The following LRRC4C variants were observed in gnomAD, a reference collection of about 807,000 sequenced individuals.
LRRC4C encodes the protein leucine rich repeat containing 4C.
LRRC4C carries 5 observed loss-of-function variants against 33.6 expected under a neutral mutation model. That is an observed-to-expected ratio of 0.15 (90% CI 0.08 to 0.31). The LOEUF is 0.31. Among genes scored for constraint, LRRC4C ranks in the 10% least tolerant of loss-of-function variants. LRRC4C has a pLI of 1.00. For synonymous variants in LRRC4C, 329 were observed against 302.0 expected (o/e 1.09, Z -0.93); for missense variants, 560 against 796.7 (o/e 0.70, Z 3.58).
At chr11:40,244,286 C>T (rs1866157889) in intron 4 of LRRC4C, among the ~76,000 whole-genome samples, 1 of 152,096 alleles carries the variant, frequency 6.6e-6, no homozygotes, top group African/African-American at 2.4e-5. Context: ...AGAACCCCCA[C>T]TTCAGCCCCC....
chr11:40,784,284 C>T (rs1950325286), intron 2 of LRRC4C, among the ~76,000 whole-genome samples: 1 of 152,134 alleles, frequency 6.6e-6, no homozygotes, highest in African/African-American at 2.4e-5. Context: ...CCCAGGTTTA[C>T]CCTACAGAAG....
chr11:40,274,907 T>G (rs1308168768), intron 4 of LRRC4C, among the ~76,000 whole-genome samples: 2 of 152,138 alleles, frequency 1.3e-5, no homozygotes, highest in East Asian at 3.9e-4. Context: ...GCACCCATAT[T>G]TTCTATTTCA....
chr11:41,336,442 GAA>G (rs34109085), intron 1 of LRRC4C, among the ~76,000 whole-genome samples: 61,786 of 148,640 alleles, frequency 0.42, 13,415 homozygotes, highest in Non-Finnish European at 0.49. Flanking sequence ...AAAAGGTGGG[GAA>G]AAAAAAAAAT....
chr11:40,217,661 T>C (rs1366212409), intron 5 of LRRC4C, among the ~76,000 whole-genome samples: 1 of 152,176 alleles, frequency 6.6e-6, no homozygotes, highest in African/African-American at 2.4e-5. Flanking sequence ...CATTGTATTA[T>C]TCAGTCAGTA....
At chr11:41,256,560 A>G (rs184137756) in intron 1 of LRRC4C, among the ~76,000 whole-genome samples, 1 of 152,164 alleles carries the variant, frequency 6.6e-6, no homozygotes, top group African/African-American at 2.4e-5. Flanking sequence ...TTAATTTAAA[A>G]AAATTGATTC....
intron 4 of LRRC4C, among the ~76,000 whole-genome samples, chr11:40,273,478 C>T (rs1942862912): frequency 6.6e-6 from 1 of 152,120 alleles, no homozygotes; most frequent in Admixed American, 6.6e-5. Flanking sequence ...GAAATTCAGA[C>T]AACATATATT....
At chr11:41,024,621 C>A (rs1257521986) in intron 1 of LRRC4C, among the ~76,000 whole-genome samples, 3 of 151,604 alleles carry the variant, frequency 2.0e-5, no homozygotes, top group Non-Finnish European at 3.0e-5. Flanking sequence ...CTTATTTAAG[C>A]CCTTGGCTAC....
At chr11:41,159,674 G>A (rs1209720830) in intron 1 of LRRC4C, among the ~76,000 whole-genome samples, 1 of 152,030 alleles carries the variant, frequency 6.6e-6, no homozygotes, top group Non-Finnish European at 1.5e-5. Context: ...CTCATGTGAG[G>A]AATATTCAAG....
chr11:41,052,456 T>C (rs914962377), intron 1 of LRRC4C, among the ~76,000 whole-genome samples: 5 of 151,804 alleles, frequency 3.3e-5, no homozygotes, highest in Non-Finnish European at 5.9e-5. Flanking sequence ...TCTGCTCATT[T>C]CTTCCTGGCA....
chr11:40,578,154 T>TCG (rs1958297106), intron 3 of LRRC4C, among the ~76,000 whole-genome samples: 1 of 92,600 alleles, frequency 1.1e-5, no homozygotes, highest in Non-Finnish European at 2.4e-5. Context: ...TTTTTTTTTT[T>TCG]TTTTTTTTTT....
chr11:40,834,464 C>A (rs1952566130), intron 2 of LRRC4C, among the ~76,000 whole-genome samples: 1 of 147,258 alleles, frequency 6.8e-6, no homozygotes, highest in Non-Finnish European at 1.5e-5. Context: ...GAGTGAGATT[C>A]CATCTCAAAA....
rs181229722 is a variant in LRRC4C, at chr11:41,114,724, G to A, written c.-495-181001C>T. On this transcript the variant is annotated intron_variant, in intron 1 of 6. Coordinates refer to ENST00000528697, the MANE Select transcript of LRRC4C (RefSeq NM_001258419.2). ...GACAAGGATATAATACAGTACTATAGCACATGACTAAGGAGTATTGAACAA... is the reference window on the plus strand; with the variant it reads ...GACAAGGATATAATACAGTACTATAACACATGACTAAGGAGTATTGAACAA... Among the ~76,000 whole-genome samples, 6 of 152,124 alleles carry A rather than the reference G, an allele frequency of 3.9e-5. No homozygotes were observed. In the East Asian group the frequency reaches 1.2e-3, roughly 29 times the overall value.
At chr11:41,370,661 G>A (rs1952713529) in intron 1 of LRRC4C, among the ~76,000 whole-genome samples, 1 of 152,022 alleles carries the variant, frequency 6.6e-6, no homozygotes, top group South Asian at 2.1e-4. Context: ...TCCCAGTCTT[G>A]GGTATGTCTT....
intron 1 of LRRC4C, among the ~76,000 whole-genome samples, chr11:41,369,184 A>G (rs1952652799): frequency 6.6e-6 from 1 of 152,226 alleles, no homozygotes; most frequent in Non-Finnish European, 1.5e-5. Flanking sequence ...GTGAAAGATA[A>G]ATACATATGC....
chr11:40,373,062 T>G (rs2137275573), intron 3 of LRRC4C, among the ~76,000 whole-genome samples: 1 of 152,306 alleles, frequency 6.6e-6, no homozygotes, highest in South Asian at 2.1e-4. Context: ...TTTCTGACAT[T>G]TTTAATAAAA....
intron 2 of LRRC4C, among the ~76,000 whole-genome samples, chr11:40,730,262 T>TA (rs960732034): frequency 1.2e-4 from 18 of 151,494 alleles, no homozygotes; most frequent in Middle Eastern, 3.2e-3. Flanking sequence ...TTTAAAAAAA[T>TA]AAAAAAAAAC....
In LRRC4C at chr11:40,115,333, G is replaced by T; in HGVS notation, c.960C>A (p.Ala320=). 5 of 1,614,138 alleles carry T rather than the reference G, an allele frequency of 3.1e-6. No homozygotes were observed. The highest frequency in any genetic ancestry group is 4.2e-6 in the Non-Finnish European group (5 of 1,180,028). Reference sequence around the variant, plus strand: ...GGGCACAACAAGCTGTGTTCGAGGGGGCCATGTCTTTTATCCACCAGCTGA... The same window carrying T: ...GGGCACAACAAGCTGTGTTCGAGGGTGCCATGTCTTTTATCCACCAGCTGA... ...LWLSWWIKDM[A]PSNTACCARC... is the part of the protein sequence containing the mutation. Residue 320 remains alanine (A), a synonymous_variant, in exon 7 of 7, where the codon GCC becomes GCA. Transcript: ENST00000528697. The surrounding 1 kb of genome is among the most constrained non-coding windows in gnomAD (Gnocchi z 6.7).
chr11:41,148,911 C>T (rs1390620198), intron 1 of LRRC4C, among the ~76,000 whole-genome samples: 1 of 152,058 alleles, frequency 6.6e-6, no homozygotes, highest in Non-Finnish European at 1.5e-5. Context: ...AAGAAGTTAC[C>T]GAATCATAGC....
chr11:40,707,056 G>A (rs1018764280), intron 2 of LRRC4C, among the ~76,000 whole-genome samples: 1 of 152,160 alleles, frequency 6.6e-6, no homozygotes, highest in Non-Finnish European at 1.5e-5. Context: ...TTTGCACATT[G>A]ATTTTGTATC....
Sources: gnomAD v4.1 joint callset for allele counts (sites outside exome capture counted in the v4.1 genomes callset) on GRCh38, gnomAD v4.1.1 for gene constraint, Gnocchi (gnomAD v3.1) non-coding constraint, MANE v1.5 for transcripts, NCBI Gene and HGNC (gene_info 2026-07-23, HGNC 2026-07-21) for gene names.